Variants in ROBO2 observed in about 807,000 individuals in gnomAD.
The protein encoded by ROBO2 is roundabout homolog 2.
In ROBO2, 53 loss-of-function variants were observed where a neutral mutation model predicts 160.8. The ratio of observed to expected loss-of-function variants is 0.33; its 90% CI spans 0.26 to 0.41. The LOEUF is 0.41. ROBO2 is among the 10% of genes least tolerant of loss of function. ROBO2 has a pLI of 1.00. For synonymous variants in ROBO2, 664 were observed against 611.7 expected, an observed-to-expected ratio of 1.09 and a Z score of -1.26; for missense variants, 1,577 against 1,722.4, an observed-to-expected ratio of 0.92 and a Z score of 1.49.
intron 2 of ROBO2, among the ~76,000 whole-genome samples, chr3:77,408,578 T>G (rs2076444968): frequency 1.3e-5 from 2 of 152,210 alleles, no homozygotes; most frequent in Non-Finnish European, 1.5e-5. Flanking sequence ...TGTTGTTTTT[T>G]ATAATATACT....
chr3:77,363,788 G>A (rs1414514174), intron 2 of ROBO2, among the ~76,000 whole-genome samples: 3 of 152,140 alleles, frequency 2.0e-5, no homozygotes, highest in Non-Finnish European at 2.9e-5. Flanking sequence ...CCTTTCAGAA[G>A]TTTTATGACT....
intron 2 of ROBO2, among the ~76,000 whole-genome samples, chr3:76,645,062 G>C (rs1171996837): frequency 6.6e-6 from 1 of 152,134 alleles, no homozygotes; most frequent in Non-Finnish European, 1.5e-5. Context: ...ATGTGTACAG[G>C]CTCTGTGCTC....
At chr3:77,469,853 C>T (rs2083174112) in intron 2 of ROBO2, among the ~76,000 whole-genome samples, 1 of 152,178 alleles carries the variant, frequency 6.6e-6, no homozygotes, top group Non-Finnish European at 1.5e-5. Flanking sequence ...CACATCAATT[C>T]AATCAACCAA....
At chr3:76,431,099 A>G (rs2076417734) in intron 2 of ROBO2, among the ~76,000 whole-genome samples, 1 of 152,118 alleles carries the variant, frequency 6.6e-6, no homozygotes, top group African/African-American at 2.4e-5. Flanking sequence ...ATTTCTGAGA[A>G]ACTGAAAATG....
chr3:76,623,090 T>TG (rs11383782), intron 2 of ROBO2, among the ~76,000 whole-genome samples: 146,599 of 152,282 alleles, frequency 0.96, 70,748 homozygotes, highest in East Asian at 1. Flanking sequence ...GGCGTAAAAG[T>TG]AGTTATGGCT....
chr3:76,443,168 A>C (rs2077007499), intron 2 of ROBO2, among the ~76,000 whole-genome samples: 1 of 152,072 alleles, frequency 6.6e-6, no homozygotes, highest in East Asian at 1.9e-4. Context: ...TTCAGTTCTC[A>C]CAGGAACTAA....
At chr3:75,957,532 G>A (rs1948764973) in intron 2 of ROBO2, among the ~76,000 whole-genome samples, 1 of 149,986 alleles carries the variant, frequency 6.7e-6, no homozygotes, top group Non-Finnish European at 1.5e-5. Flanking sequence ...TTTTACTTCA[G>A]TATCCACTTT....
At chr3:76,430,560 C>T (rs2076396128) in intron 2 of ROBO2, among the ~76,000 whole-genome samples, 1 of 151,916 alleles carries the variant, frequency 6.6e-6, no homozygotes, top group African/African-American at 2.4e-5. Flanking sequence ...GGTGCTAAAT[C>T]ACTAGAATTA....
chr3:76,034,219 G>C, intron 2 of ROBO2, among the ~76,000 whole-genome samples: 1 of 152,136 alleles, frequency 6.6e-6, no homozygotes, highest in East Asian at 1.9e-4. Context: ...CAGGAGCATG[G>C]ATTTTAAGTT....
intron 6 of ROBO2, among the ~76,000 whole-genome samples, chr3:77,537,820 C>G (rs1177454574): frequency 6.6e-6 from 1 of 152,038 alleles, no homozygotes; most frequent in East Asian, 1.9e-4. Context: ...GGGAACTCTC[C>G]TTTATAAAAC....
intron 2 of ROBO2, among the ~76,000 whole-genome samples, chr3:77,174,625 C>T (rs906469091): frequency 1.3e-5 from 2 of 152,040 alleles, no homozygotes; most frequent in Non-Finnish European, 2.9e-5. Context: ...TCCAAATCTT[C>T]ATTTATCATT....
intron 2 of ROBO2, among the ~76,000 whole-genome samples, chr3:77,249,808 T>TTTA (rs1169380223): frequency 1.4e-4 from 21 of 151,286 alleles, no homozygotes; most frequent in Non-Finnish European, 2.7e-4. Flanking sequence ...GCTACTATAT[T>TTTA]TTATTATTAT....
intron 2 of ROBO2, among the ~76,000 whole-genome samples, chr3:76,378,768 A>G (rs558415793): frequency 2.3e-3 from 354 of 152,328 alleles, no homozygotes; most frequent in Non-Finnish European, 4.1e-3. Flanking sequence ...CCAAACCAGT[A>G]AATGGTAGGA....
At chr3:76,733,724 G>T (rs998288141) in intron 2 of ROBO2, among the ~76,000 whole-genome samples, 1 of 152,140 alleles carries the variant, frequency 6.6e-6, no homozygotes, top group African/African-American at 2.4e-5. Context: ...AATGTTTCAT[G>T]TGGGAATTTT....
At chr3:76,503,767 A>G (rs2080612306) in intron 2 of ROBO2, among the ~76,000 whole-genome samples, 1 of 152,186 alleles carries the variant, frequency 6.6e-6, no homozygotes, top group Admixed American at 6.5e-5. Context: ...GAAAACAGAG[A>G]GTCAAACGGT....
intron 2 of ROBO2, among the ~76,000 whole-genome samples, chr3:77,386,404 A>G (rs1284359546): frequency 6.6e-6 from 1 of 152,154 alleles, no homozygotes; most frequent in Non-Finnish European, 1.5e-5. Context: ...ATTTTCTTTT[A>G]GCACGTTAGG....
chr3:76,063,404 G>A (rs1454613634), intron 2 of ROBO2, among the ~76,000 whole-genome samples: 1 of 147,332 alleles, frequency 6.8e-6, no homozygotes, highest in Non-Finnish European at 1.5e-5. Context: ...GTGCAGTGGT[G>A]CAATGAGGGC....
At chr3:77,171,810 A>G (rs2079666746) in intron 2 of ROBO2, among the ~76,000 whole-genome samples, 1 of 152,142 alleles carries the variant, frequency 6.6e-6, no homozygotes, top group Admixed American at 6.5e-5. Context: ...CTTCCGTTCC[A>G]TTGCTTCGGA....
intron 2 of ROBO2, among the ~76,000 whole-genome samples, chr3:75,946,495 C>G (rs1287203856): frequency 1.3e-5 from 2 of 151,986 alleles, no homozygotes; most frequent in Non-Finnish European, 2.9e-5. Context: ...ATAAGGTACA[C>G]TACTGTGAAG....
Sources: allele counts gnomAD v4.1 joint callset (sites outside exome capture counted in the v4.1 genomes callset), GRCh38; gene constraint gnomAD v4.1.1; transcripts MANE v1.5; gene names NCBI Gene and HGNC (gene_info 2026-07-23, HGNC 2026-07-21).